NRXN1: variants seen among roughly 807,000 people sequenced by gnomAD.
NRXN1 encodes neurexin-1.
NRXN1 carries 39 observed loss-of-function variants against 150.9 expected under a neutral mutation model. The observed-to-expected ratio is 0.26, with a 90% CI of 0.20 to 0.34. The LOEUF (loss-of-function observed/expected upper bound fraction) is 0.34. Ranked by LOEUF, NRXN1 falls within the 10% of genes least tolerant of loss-of-function variation. The pLI, the probability that NRXN1 is intolerant of heterozygous loss-of-function variation, is 1.00. For missense variants in NRXN1, 1,815 were observed against 1,949.9 expected, an observed-to-expected ratio of 0.93 and a Z score of 1.30; for synonymous variants, 924 against 757.0, an observed-to-expected ratio of 1.22 and a Z score of -3.62.
chr2:49,946,726 A>G (rs976564479), intron 21 of NRXN1, among the ~76,000 whole-genome samples: 3 of 152,100 alleles, frequency 2.0e-5, no homozygotes, highest in Non-Finnish European at 2.9e-5. Flanking sequence ...TATATTTCAT[A>G]TGGAACCAAA....
intron 18 of NRXN1, among the ~76,000 whole-genome samples, chr2:50,185,016 A>T (rs1244426816): frequency 6.6e-6 from 1 of 152,038 alleles, no homozygotes; most frequent in African/African-American, 2.4e-5. Context: ...CCTTTTATTT[A>T]TCTCAAACTT....
At chr2:50,390,902 T>C (rs894383401) in intron 17 of NRXN1, among the ~76,000 whole-genome samples, 6 of 152,126 alleles carry the variant, frequency 3.9e-5, no homozygotes, top group Non-Finnish European at 8.8e-5. Context: ...TACTCTCTTA[T>C]AGCAACACAA....
chr2:50,274,066 C>A (rs1201823716), intron 17 of NRXN1, among the ~76,000 whole-genome samples: 1 of 152,096 alleles, frequency 6.6e-6, no homozygotes, highest in Non-Finnish European at 1.5e-5. Flanking sequence ...ACTATGAGGA[C>A]ACATGCACAT....
At chr2:50,482,959 G>C (rs914447496) in intron 15 of NRXN1, among the ~76,000 whole-genome samples, 54 of 150,486 alleles carry the variant, frequency 3.6e-4, no homozygotes, top group African/African-American at 1.2e-3. Flanking sequence ...GCTGAGGCAG[G>C]AGAATCGCTT....
intron 18 of NRXN1, among the ~76,000 whole-genome samples, chr2:50,156,728 T>A (rs1376429485): frequency 6.6e-6 from 1 of 151,974 alleles, no homozygotes; most frequent in African/African-American, 2.4e-5. Flanking sequence ...TATATGAGTA[T>A]GTAAGATAAC....
chr2:50,147,880 G>T (rs1174769171), intron 18 of NRXN1, among the ~76,000 whole-genome samples: 6 of 151,668 alleles, frequency 4.0e-5, no homozygotes, highest in Non-Finnish European at 5.9e-5. Context: ...GAAGCCTGTT[G>T]CATGTAGCCT....
chr2:50,194,162 A>G (rs2152826144), intron 18 of NRXN1, among the ~76,000 whole-genome samples: 1 of 152,232 alleles, frequency 6.6e-6, no homozygotes, highest in Non-Finnish European at 1.5e-5. Context: ...TTATTACAGA[A>G]ATTTATCTGA....
chr2:50,433,138 A>G (rs1401315876), intron 17 of NRXN1, among the ~76,000 whole-genome samples: 1 of 152,238 alleles, frequency 6.6e-6, no homozygotes, highest in Non-Finnish European at 1.5e-5. Flanking sequence ...CACTCAAGCT[A>G]TTCTATGGAA....
In NRXN1 at chr2:50,334,192, A is replaced by AATTTTATATATATATATATATATAT. The variant is rs57808424; in HGVS notation, c.3365-97223_3365-97222insATATATATATATATATATATAAAAT. 3.0e-4 allele frequency among the ~76,000 whole-genome samples: 36 copies of AATTTTATATATATATATATATATAT among 118,960 alleles called. 3 individuals are homozygous for AATTTTATATATATATATATATATAT. Among genetic ancestry groups the AATTTTATATATATATATATATATAT allele is most frequent in the African/African-American group, 6.5e-4 (15 of 23,168 alleles). The allele number at this position is 118,960 out of a possible 152,430, so 78.0% of individuals were successfully genotyped here. On this transcript the variant is annotated intron_variant, in intron 17 of 22. Coordinates refer to ENST00000401669, the MANE Select transcript of NRXN1 (RefSeq NM_001330078.2). ...CTGCCTTTCCTTAAGACCAGGACCA[A>AATTTTATATATATATATATATATAT]ATATATATATATATATATATGTATG...
In NRXN1 at chr2:49,982,999, G is replaced by A. The variant is rs187692649; in HGVS notation, c.4129-39208C>T. Among the ~76,000 whole-genome samples the A allele has an allele frequency of 3.9e-5, 6 of 152,076 alleles. No individual in the cohort carries two copies. In the East Asian group the frequency reaches 5.8e-4, roughly 15 times the overall value. ...CATGCTGTCTTTTCTATCTGGGGAC[G>A]CCCTTTTCCCATTTAAATAAAAAAT... On this transcript the variant is annotated intron_variant, in intron 21 of 22. Coordinates refer to ENST00000401669, the MANE Select transcript of NRXN1 (RefSeq NM_001330078.2).
At chr2:50,574,824 C>A (rs994382532) in intron 8 of NRXN1, among the ~76,000 whole-genome samples, 1 of 152,148 alleles carries the variant, frequency 6.6e-6, no homozygotes, top group Admixed American at 6.5e-5. Flanking sequence ...TGTGCGGCAC[C>A]CTTGCCTTGC....
chr2:50,926,746 C>T (rs1686949645), intron 2 of NRXN1, among the ~76,000 whole-genome samples: 1 of 151,688 alleles, frequency 6.6e-6, no homozygotes, highest in Admixed American at 6.6e-5. Flanking sequence ...ATATTTAGCT[C>T]AATTTCTCTT....
At chr2:50,705,751 T>C (rs1467561152) in intron 5 of NRXN1, among the ~76,000 whole-genome samples, 1 of 152,192 alleles carries the variant, frequency 6.6e-6, no homozygotes, top group African/African-American at 2.4e-5. Flanking sequence ...GAAATGCTGT[T>C]GCTGCCCCCA....
chr2:50,523,329 T>C (rs2092849357), intron 12 of NRXN1, among the ~76,000 whole-genome samples: 1 of 152,152 alleles, frequency 6.6e-6, no homozygotes, highest in South Asian at 2.1e-4. Context: ...ATAGCACCAG[T>C]CACTGACAGG....
chr2:50,576,667 T>C (rs1236870981), intron 8 of NRXN1, among the ~76,000 whole-genome samples: 1 of 152,134 alleles, frequency 6.6e-6, no homozygotes, highest in African/African-American at 2.4e-5. Context: ...TTATACATTC[T>C]ATATAAAATA....
At chr2:49,957,128 A>C (rs1675115056) in intron 21 of NRXN1, among the ~76,000 whole-genome samples, 1 of 152,156 alleles carries the variant, frequency 6.6e-6, no homozygotes, top group Admixed American at 6.6e-5. Context: ...TGAGCATGGA[A>C]GGAGCATGAA....
At chr2:50,609,320 A>G (rs1677645703) in intron 8 of NRXN1, among the ~76,000 whole-genome samples, 1 of 152,174 alleles carries the variant, frequency 6.6e-6, no homozygotes, top group African/African-American at 2.4e-5. Context: ...GAATTTCAAG[A>G]TGACAAGAAG....
rs1036276248 is a variant in NRXN1, at chr2:50,506,830, G to A, written c.2375-213C>T. The A allele has an allele frequency of 9.5e-6, 5 of 524,366 alleles. No individual in the cohort carries two copies. The African/African-American group carries it at 9.5e-5, about 10-fold the overall frequency. 32.5% of individuals were successfully genotyped at this position (524,366 alleles called of 1,614,324 possible). ...AGCCCATTAGAGTCATAGCAAGCAA[G>A]GAAAATGACAACTTTTACAAACATT... On this transcript the variant is annotated intron_variant, in intron 12 of 22. Coordinates refer to ENST00000401669, the MANE Select transcript of NRXN1 (RefSeq NM_001330078.2).
chr2:50,177,805 CTCTCT>C lies in NRXN1; in HGVS notation c.3546+58979_3546+58983del, dbSNP rs1559035968. On this transcript the variant is annotated intron_variant, in intron 18 of 22. Coordinates refer to ENST00000401669, the MANE Select transcript of NRXN1 (RefSeq NM_001330078.2). ...TCTCTCTCTCTCTCTCTCTCTCTCT[CTCTCT>C]CCTCCTCTCCCTCCCTCCCTCCCTC... Among the ~76,000 whole-genome samples, 12 of 145,162 alleles carry C rather than the reference CTCTCT, an allele frequency of 8.3e-5. No homozygotes were observed. In the East Asian group the frequency reaches 2.4e-3, roughly 30 times the overall value.
Sources: allele counts gnomAD v4.1 joint callset (sites outside exome capture counted in the v4.1 genomes callset), GRCh38; gene constraint gnomAD v4.1.1; transcripts MANE v1.5; gene names NCBI Gene and HGNC (gene_info 2026-07-23, HGNC 2026-07-21).